The following LRRC63 variants were observed in gnomAD, a reference collection of about 807,000 sequenced individuals.
The protein encoded by LRRC63 is leucine rich repeat containing 63.
Under a neutral mutation model 49.5 loss-of-function variants are expected in LRRC63, and 40 were observed. The ratio of observed to expected loss-of-function variants is 0.81; its 90% CI spans 0.63 to 1.05. LRRC63 has a LOEUF of 1.05. LRRC63 is among the 50% of genes least tolerant of loss of function. LRRC63 has a pLI of 0.00. For missense variants in LRRC63, 636 were observed against 663.1 expected (o/e 0.96, Z 0.45); for synonymous variants, 191 against 221.1 (o/e 0.86, Z 1.21).
chr13:46,249,897 A>AT (rs1274451517), intron 6 of LRRC63: 2 of 152,092 alleles, frequency 1.3e-5, no homozygotes, highest in South Asian at 4.1e-4. Flanking sequence ...GGTTTACTCT[A>AT]TTTTTTAAAT....
intron 2 of LRRC63, among the ~76,000 whole-genome samples, chr13:46,222,281 T>C (rs978548616): frequency 3.3e-5 from 5 of 152,162 alleles, no homozygotes; most frequent in Admixed American, 2.6e-4. Context: ...GTGGTATGGA[T>C]AGTTTGCAAA....
exon 10 of LRRC63, chr13:46,276,789 T>C: frequency 1.7e-6 from 2 of 1,144,624 alleles, no homozygotes; most frequent in Non-Finnish European, 2.2e-6. Flanking sequence ...TGTGGAGTTG[T>C]CAAAAGAATT....
chr13:46,216,551 T>C (rs2046256916), intron 2 of LRRC63, among the ~76,000 whole-genome samples: 1 of 152,220 alleles, frequency 6.6e-6, no homozygotes, highest in Non-Finnish European at 1.5e-5. Context: ...AATACAATAA[T>C]GTCATCTGCA....
At chr13:46,274,063 G>A (rs924167422) in intron 9 of LRRC63, among the ~76,000 whole-genome samples, 2 of 152,186 alleles carry the variant, frequency 1.3e-5, no homozygotes, top group African/African-American at 4.8e-5. Context: ...AGACCTGGCA[G>A]TATGTCACAG....
chr13:46,271,535 A>G (rs1165348550), intron 9 of LRRC63, among the ~76,000 whole-genome samples: 1 of 152,228 alleles, frequency 6.6e-6, no homozygotes, highest in Non-Finnish European at 1.5e-5. Flanking sequence ...TGAAAAGGCT[A>G]TGAAAAATAC....
chr13:46,256,686 T>G (rs938253832), intron 7 of LRRC63, among the ~76,000 whole-genome samples: 12 of 152,218 alleles, frequency 7.9e-5, no homozygotes, highest in African/African-American at 2.7e-4. Flanking sequence ...AGAAAAGTTG[T>G]GCTTCTGGAT....
intron 4 of LRRC63, 99 bp downstream of exon 4, chr13:46,228,832 A>T: frequency 1.3e-6 from 1 of 763,550 alleles, no homozygotes; most frequent in Non-Finnish European, 2.2e-6. Context: ...TGTGATTCAC[A>T]CATGCATAAC....
intron 9 of LRRC63, among the ~76,000 whole-genome samples, chr13:46,268,131 T>C (rs2047706609): frequency 6.6e-6 from 1 of 152,012 alleles, no homozygotes; most frequent in Non-Finnish European, 1.5e-5. Context: ...ACCTAGGATA[T>C]GAGTATTGCA....
At chr13:46,252,068 A>C (rs1294265547) in intron 7 of LRRC63, among the ~76,000 whole-genome samples, 1 of 151,986 alleles carries the variant, frequency 6.6e-6, no homozygotes, top group Non-Finnish European at 1.5e-5. Context: ...CAGCATATTA[A>C]AGCCAAGAAT....
At position 46,264,437 on chromosome 13, in the gene LRRC63, T is replaced by TTAGTTAGTTAG. The variant is rs1566511659; in HGVS notation, c.1311-2295_1311-2294insAGTTAGTTAGT. Among the ~76,000 whole-genome samples the TTAGTTAGTTAG allele has an allele frequency of 4.0e-5, 6 of 151,516 alleles. No homozygotes were observed. In the East Asian group the frequency reaches 9.7e-4, roughly 24 times the overall value. The stretch of plus-strand genomic sequence containing the variant: ...CTCATGGTTTTTATTTATTTATTTA[T>TTAGTTAGTTAG]TTAGTTAGTTAGTTAGTTTTGAATT... On this transcript the variant is annotated intron_variant, in intron 8 of 9. Transcript: ENST00000595396.
chr13:46,246,665 C>T (rs993843805), intron 6 of LRRC63, 40 bp downstream of exon 6: 11 of 862,326 alleles, frequency 1.3e-5, no homozygotes, highest in South Asian at 3.7e-5. Context: ...TATAACTTGT[C>T]GTGAATAATA....
chr13:46,261,883 C>A, intron 7 of LRRC63, 26 bp from the exon 8 acceptor site: 2 of 766,478 alleles, frequency 2.6e-6, no homozygotes, highest in Non-Finnish European at 3.6e-6. Flanking sequence ...ATCATTTCTA[C>A]AATTAATTTT....
chr13:46,255,458 A>C (rs2047484669), intron 7 of LRRC63, among the ~76,000 whole-genome samples: 1 of 151,988 alleles, frequency 6.6e-6, no homozygotes, highest in East Asian at 1.9e-4. Flanking sequence ...TACTATAACA[A>C]AAAATACATA....
intron 8 of LRRC63, 137 bp downstream of exon 8, chr13:46,262,129 G>A (rs752409512): frequency 2.9e-6 from 1 of 348,904 alleles, no homozygotes; most frequent in East Asian, 4.1e-5. Flanking sequence ...TACCAAACAT[G>A]TAATTTGAAT....
At chr13:46,225,183 G>A (rs1167075494) in intron 2 of LRRC63, among the ~76,000 whole-genome samples, 2 of 152,220 alleles carry the variant, frequency 1.3e-5, no homozygotes, top group Non-Finnish European at 2.9e-5. Flanking sequence ...GGTGGTGGCT[G>A]TGCTACAGGT....
At chr13:46,235,976 C>CACAAA (rs1368672132) in intron 5 of LRRC63, among the ~76,000 whole-genome samples, 1 of 151,890 alleles carries the variant, frequency 6.6e-6, no homozygotes, top group Non-Finnish European at 1.5e-5. Context: ...AAAGAAAAAA[C>CACAAA]ACAAAACAAA....
At chr13:46,265,696 C>A (rs1375280729) in intron 8 of LRRC63, among the ~76,000 whole-genome samples, 1 of 152,190 alleles carries the variant, frequency 6.6e-6, no homozygotes, top group Non-Finnish European at 1.5e-5. Flanking sequence ...CAGAAACATT[C>A]AGACCAGAGC....
At chr13:46,232,115 T>C (rs2046780883) in intron 4 of LRRC63, among the ~76,000 whole-genome samples, 1 of 152,100 alleles carries the variant, frequency 6.6e-6, no homozygotes, top group Non-Finnish European at 1.5e-5. Context: ...GCGCCCGGCC[T>C]GCCACACACT....
exon 10 of LRRC63, chr13:46,276,836 A>G (rs972680115): frequency 2.0e-5 from 3 of 153,726 alleles, no homozygotes; most frequent in African/African-American, 8.5e-5. Context: ...GTGTATATAT[A>G]TATATATATA....
Sources: allele counts gnomAD v4.1 joint callset (sites outside exome capture counted in the v4.1 genomes callset), GRCh38; gene constraint gnomAD v4.1.1; transcripts MANE v1.5; gene names NCBI Gene and HGNC (gene_info 2026-07-23, HGNC 2026-07-21).